Variants in DUSP22 observed in about 807,000 individuals in gnomAD.
DUSP22 encodes the protein dual specificity phosphatase 22.
In DUSP22, 24 loss-of-function variants were observed where a neutral mutation model predicts 24.5. The ratio of observed to expected loss-of-function variants is 0.98; its 90% confidence interval spans 0.71 to 1.38. The LOEUF is 1.38. Ranked by LOEUF, DUSP22 falls within the 40% of genes most tolerant of loss-of-function variation. The pLI is 0.00. For synonymous variants in DUSP22, 160 were observed against 106.4 expected (o/e 1.50, Z -3.10); for missense variants, 330 against 269.2 (o/e 1.23, Z -1.58).
intron 1 of DUSP22, among the ~76,000 whole-genome samples, chr6:299,174 C>G (rs1239453302): frequency 1.3e-5 from 2 of 152,308 alleles, no homozygotes; most frequent in Non-Finnish European, 2.9e-5. Flanking sequence ...TCCTTGCTTT[C>G]TACCAGGTGG....
intron 3 of DUSP22, among the ~76,000 whole-genome samples, chr6:328,728 A>G: frequency 6.6e-6 from 1 of 152,430 alleles, no homozygotes; most frequent in East Asian, 1.9e-4. Context: ...GACTTAAAAC[A>G]TGAATAATGC....
chr6:295,799 CAAAAAAA>C (rs61498181), intron 1 of DUSP22, among the ~76,000 whole-genome samples: 1 of 137,972 alleles, frequency 7.2e-6, no homozygotes, highest in South Asian at 2.2e-4. Flanking sequence ...GACCCTGTTT[CAAAAAAA>C]AAAAAAAAAA....
intron 3 of DUSP22, among the ~76,000 whole-genome samples, chr6:319,735 G>T (rs1041395113): frequency 6.6e-6 from 1 of 152,308 alleles, no homozygotes; most frequent in South Asian, 2.1e-4. Flanking sequence ...GACCTGGAAT[G>T]GTTTTCAGAT....
chr6:296,444 T>G (rs930819444), intron 1 of DUSP22, among the ~76,000 whole-genome samples: 1 of 152,302 alleles, frequency 6.6e-6, no homozygotes, highest in Non-Finnish European at 1.5e-5. Context: ...TCGGCCACAA[T>G]GCAGAGTGCC....
At chr6:305,562 C>G (rs1460362847) in intron 2 of DUSP22, among the ~76,000 whole-genome samples, 2 of 152,308 alleles carry the variant, frequency 1.3e-5, no homozygotes, top group African/African-American at 4.8e-5. Flanking sequence ...GCCACTTGTT[C>G]CGTACTGATT....
At chr6:305,171 A>T (rs1282490164) in intron 2 of DUSP22, among the ~76,000 whole-genome samples, 1 of 152,302 alleles carries the variant, frequency 6.6e-6, no homozygotes, top group Non-Finnish European at 1.5e-5. Flanking sequence ...CATGGGTGAG[A>T]TTGACAGGCA....
intron 3 of DUSP22, among the ~76,000 whole-genome samples, chr6:314,279 T>C (rs1758244249): frequency 6.6e-6 from 1 of 152,306 alleles, no homozygotes; most frequent in South Asian, 2.1e-4. Flanking sequence ...TACGTATTTA[T>C]TGAATGGCCG....
intron 1 of DUSP22, among the ~76,000 whole-genome samples, chr6:302,318 A>G (rs1451624995): frequency 1.3e-5 from 2 of 152,310 alleles, no homozygotes; most frequent in Admixed American, 6.5e-5. Flanking sequence ...GAGTCTGGAT[A>G]GTGGCCAGTG....
chr6:329,236 G>C (rs1759027588), intron 3 of DUSP22, among the ~76,000 whole-genome samples: 1 of 152,302 alleles, frequency 6.6e-6, no homozygotes, highest in Non-Finnish European at 1.5e-5. Context: ...TTTGCTTGCT[G>C]TCAGGTTTAT....
intron 1 of DUSP22, among the ~76,000 whole-genome samples, chr6:298,821 G>A (rs1757454003): frequency 6.6e-6 from 1 of 152,302 alleles, no homozygotes; most frequent in Non-Finnish European, 1.5e-5. Flanking sequence ...TAGACTCTGG[G>A]CAGGTTTTAG....
chr6:294,303 A>G (rs1358219420), intron 1 of DUSP22, among the ~76,000 whole-genome samples: 3 of 152,284 alleles, frequency 2.0e-5, no homozygotes. Flanking sequence ...CCCTGCTTCA[A>G]CACTTATTGA....
chr6:348,080 A>G (rs2797333), intron 5 of DUSP22, 23 bp from the exon 6 acceptor site: 1,612,460 of 1,613,438 alleles, frequency 1, 805,741 homozygotes, highest in East Asian at 1. Context: ...GCCCTCACAC[A>G]TGTGCTTCTC....
intron 3 of DUSP22, among the ~76,000 whole-genome samples, chr6:329,646 G>T (rs937345581): frequency 3.3e-4 from 50 of 152,392 alleles, no homozygotes; most frequent in African/African-American, 1.2e-3. Flanking sequence ...TAGAGACGGG[G>T]TTTTACCATG....
intron 1 of DUSP22, among the ~76,000 whole-genome samples, chr6:296,912 T>G (rs1757360187): frequency 6.6e-6 from 1 of 152,300 alleles, no homozygotes. Context: ...TGTGGCCTCT[T>G]CCTTCCTCCC....
chr6:322,913 G>A (rs1277694040), intron 3 of DUSP22, among the ~76,000 whole-genome samples: 8 of 152,258 alleles, frequency 5.3e-5, no homozygotes, highest in African/African-American at 1.7e-4. Context: ...ACCCAAAGCC[G>A]GGTTAAAGGG....
chr6:313,511 C>A (rs1415293775), intron 3 of DUSP22, among the ~76,000 whole-genome samples: 1 of 152,298 alleles, frequency 6.6e-6, no homozygotes, highest in Non-Finnish European at 1.5e-5. Context: ...GTGTTCCCGA[C>A]ACAACACACT....
chr6:320,121 C>G (rs1758522661), intron 3 of DUSP22: 1 of 152,524 alleles, frequency 6.6e-6, no homozygotes, highest in South Asian at 2.1e-4. Context: ...CAGTACTTAA[C>G]TGAGTCTAGG....
At chr6:339,329 T>A (rs1213356928) in intron 4 of DUSP22, among the ~76,000 whole-genome samples, 3 of 152,308 alleles carry the variant, frequency 2.0e-5, no homozygotes, top group Non-Finnish European at 1.5e-5. Flanking sequence ...CAGGGTTTTT[T>A]ATAGTATTAG....
At chr6:301,180 G>A (rs571058361) in intron 1 of DUSP22, among the ~76,000 whole-genome samples, 202 of 152,358 alleles carry the variant, frequency 1.3e-3, no homozygotes, top group Non-Finnish European at 1.8e-3. Flanking sequence ...CCCAAACCTA[G>A]GAAAGGGTTT....
Sources: allele counts gnomAD v4.1 joint callset (sites outside exome capture counted in the v4.1 genomes callset), GRCh38; gene constraint gnomAD v4.1.1; transcripts MANE v1.5; gene names NCBI Gene and HGNC (gene_info 2026-07-23, HGNC 2026-07-21).